AP1AR: variants seen among roughly 807,000 people sequenced by gnomAD.
AP1AR encodes adaptor related protein complex 1 associated regulatory protein.
Under a neutral mutation model 46.3 loss-of-function variants are expected in AP1AR, and 29 were observed. The ratio of observed to expected loss-of-function variants is 0.63; its 90% confidence interval spans 0.47 to 0.85. The LOEUF (loss-of-function observed/expected upper bound fraction) is 0.85, where lower values mean the gene tolerates loss of function less well. Ranked by LOEUF, AP1AR falls within the 40% of genes least tolerant of loss-of-function variation. The pLI, the probability that AP1AR is intolerant of heterozygous loss-of-function variation, is 0.00. For synonymous variants in AP1AR, 122 were observed against 122.9 expected, an observed-to-expected ratio of 0.99 and a Z score of 0.05; for missense variants, 357 against 356.3, an observed-to-expected ratio of 1.00 and a Z score of -0.02.
intron 1 of AP1AR, among the ~76,000 whole-genome samples, chr4:112,250,283 T>C (rs1392577143): frequency 2.0e-5 from 3 of 152,242 alleles, no homozygotes; most frequent in Non-Finnish European, 4.4e-5. Flanking sequence ...CCAAATTTGC[T>C]AGGCTTTTAA....
At position 112,232,076 on chromosome 4, in the gene AP1AR, G is replaced by A; in HGVS notation, c.-16G>A. ...CGGGAGGAGGAGGAGGAGCGGCGGC[G>A]CCTGGGCGGCATGCGATGGGGAACT... On this transcript the variant is annotated 5_prime_UTR_variant, in exon 1 of 10. Transcript: ENST00000274000. 7.4e-7 allele frequency: 1 copy of A among 1,350,944 alleles called. No individual in the cohort carries two copies. The highest frequency in any genetic ancestry group is 9.6e-7 in the Non-Finnish European group (1 of 1,043,214). 83.7% of individuals were successfully genotyped at this position (1,350,944 alleles called of 1,614,324 possible).
At chr4:112,232,576 G>T (rs1725062586) in intron 1 of AP1AR, among the ~76,000 whole-genome samples, 1 of 152,214 alleles carries the variant, frequency 6.6e-6, no homozygotes, top group South Asian at 2.1e-4. Context: ...CCTCTCTTTA[G>T]CCCTGGCAGA....
intron 5 of AP1AR, among the ~76,000 whole-genome samples, chr4:112,261,285 A>G (rs1231698811): frequency 6.6e-6 from 1 of 152,072 alleles, no homozygotes; most frequent in Non-Finnish European, 1.5e-5. Flanking sequence ...ATACAAAATT[A>G]GCTTGGTATG....
intron 1 of AP1AR, among the ~76,000 whole-genome samples, chr4:112,242,932 C>G (rs991138041): frequency 6.6e-6 from 1 of 152,196 alleles, no homozygotes; most frequent in African/African-American, 2.4e-5. Flanking sequence ...TGGAGGAACT[C>G]TAGACTGTTA....
intron 1 of AP1AR, among the ~76,000 whole-genome samples, chr4:112,234,528 T>C (rs1725158053): frequency 6.6e-6 from 1 of 152,212 alleles, no homozygotes; most frequent in African/African-American, 2.4e-5. Context: ...ATTTGACGGT[T>C]CCCTTACTTG....
chr4:112,261,484 A>G (rs962830920), intron 5 of AP1AR, among the ~76,000 whole-genome samples: 1 of 152,120 alleles, frequency 6.6e-6, no homozygotes, highest in African/African-American at 2.4e-5. Context: ...CTGTTTCACA[A>G]TAAGTGGTTT....
intron 6 of AP1AR, among the ~76,000 whole-genome samples, chr4:112,264,085 C>CCTCT (rs144358931): frequency 6.6e-6 from 1 of 151,516 alleles, no homozygotes; most frequent in East Asian, 1.9e-4. Flanking sequence ...CATTTTTTTC[C>CCTCT]CTCTCTCTCT....
intron 1 of AP1AR, among the ~76,000 whole-genome samples, chr4:112,242,939 G>A (rs915659976): frequency 6.6e-6 from 1 of 152,190 alleles, no homozygotes; most frequent in Non-Finnish European, 1.5e-5. Context: ...ACTCTAGACT[G>A]TTAAGAGGAA....
intron 2 of AP1AR, among the ~76,000 whole-genome samples, chr4:112,254,294 A>G (rs1726088420): frequency 6.6e-6 from 1 of 152,232 alleles, no homozygotes; most frequent in African/African-American, 2.4e-5. Context: ...GTAAATAACT[A>G]TATGAATGAA....
chr4:112,265,913 A>G (rs1172540476), intron 8 of AP1AR, 106 bp downstream of exon 8: 2 of 670,178 alleles, frequency 3.0e-6, no homozygotes, highest in Non-Finnish European at 4.9e-6. Flanking sequence ...TAAATTTGTA[A>G]TTCCCAGATA....
chr4:112,234,705 G>C (rs1456527431), intron 1 of AP1AR, among the ~76,000 whole-genome samples: 1 of 150,976 alleles, frequency 6.6e-6, no homozygotes, highest in Non-Finnish European at 1.5e-5. Context: ...TCAAGTATAG[G>C]TCTGGATAGT....
intron 1 of AP1AR, among the ~76,000 whole-genome samples, chr4:112,238,817 A>C (rs1027694820): frequency 2.6e-5 from 4 of 152,152 alleles, no homozygotes; most frequent in Non-Finnish European, 5.9e-5. Flanking sequence ...AGTTCCACTT[A>C]TCTGTCAAAC....
intron 4 of AP1AR, among the ~76,000 whole-genome samples, chr4:112,259,166 G>A (rs1726334262): frequency 6.6e-6 from 1 of 152,146 alleles, no homozygotes; most frequent in Non-Finnish European, 1.5e-5. Flanking sequence ...AGTAAGATAA[G>A]GACTTAAAAT....
Position 112,260,829 on chromosome 4 carries a change from AC to A in AP1AR, c.250del (p.Gln84LysfsTer12). On this transcript the variant is annotated frameshift_variant, in exon 5 of 10. Transcript: ENST00000274000. LOFTEE classifies it high-confidence loss of function. ...ERHYDSIAEK[Q>X]KDLDKKIQKE... ...GGCATTATGATTCCATTGCCGAAAA[AC>A]AAAAAGATCTTGATAAGAAAATTCA... The A allele has an allele frequency of 6.2e-7, 1 of 1,605,824 alleles. No homozygotes were observed. Among genetic ancestry groups the A allele is most frequent in the Non-Finnish European group, 8.5e-7 (1 of 1,176,042 alleles).
chr4:112,241,620 G>A lies in AP1AR; in HGVS notation c.83+9446G>A, dbSNP rs115792216. Among the ~76,000 whole-genome samples, 418 of 152,338 alleles carry A rather than the reference G, an allele frequency of 2.7e-3. 1 individual carries two copies. Among genetic ancestry groups the A allele is most frequent in the African/African-American group, 9.7e-3 (403 of 41,580 alleles). Reference sequence around the variant, plus strand: ...AGTCCACCAATTCAAATGCGAGTCTGTTCTCTAACACCCTTGCAGATGCAC... The same window carrying A: ...AGTCCACCAATTCAAATGCGAGTCTATTCTCTAACACCCTTGCAGATGCAC... On this transcript the variant is annotated intron_variant, in intron 1 of 9. Coordinates refer to ENST00000274000, the MANE Select transcript of AP1AR (RefSeq NM_018569.6).
At chr4:112,238,764 G>A (rs1165292703) in intron 1 of AP1AR, among the ~76,000 whole-genome samples, 1 of 152,140 alleles carries the variant, frequency 6.6e-6, no homozygotes, top group Non-Finnish European at 1.5e-5. Flanking sequence ...AATAAGTTCA[G>A]TCATCTCAGT....
At chr4:112,258,671 A>G (rs1726308361) in intron 4 of AP1AR, among the ~76,000 whole-genome samples, 1 of 152,198 alleles carries the variant, frequency 6.6e-6, no homozygotes, top group South Asian at 2.1e-4. Flanking sequence ...GCAAAGTGAG[A>G]GAATTGATTG....
chr4:112,268,325 C>T lies in AP1AR; in HGVS notation c.825C>T (p.Ser275=), dbSNP rs769539665. The change falls in exon 10 of 10, where the codon TCC becomes TCT. Residue 275 remains serine (S), a synonymous_variant. Coordinates refer to ENST00000274000, the MANE Select transcript of AP1AR (RefSeq NM_018569.6). ...VSAEMDDNGN[S]EYSGFVNPVL... Reference sequence around the variant, plus strand: ...CCGAAATGGATGATAATGGAAATTCCGAGTATTCTGGATTTGTAAATCCTG... The same window carrying T: ...CCGAAATGGATGATAATGGAAATTCTGAGTATTCTGGATTTGTAAATCCTG... 29 of 1,612,918 alleles carry T rather than the reference C, an allele frequency of 1.8e-5. 1 individual carries two copies. Among genetic ancestry groups the T allele is most frequent in the African/African-American group, 1.3e-4 (10 of 74,818 alleles).
intron 8 of AP1AR, 151 bp downstream of exon 8, chr4:112,265,958 C>T (rs534529406): frequency 6.2e-5 from 34 of 552,450 alleles, no homozygotes; most frequent in Admixed American, 2.8e-4. Flanking sequence ...ATTATACAAC[C>T]TCATCTTTTC....
Sources: allele counts gnomAD v4.1 joint callset (sites outside exome capture counted in the v4.1 genomes callset), GRCh38; gene constraint gnomAD v4.1.1; transcripts MANE v1.5; gene names NCBI Gene and HGNC (gene_info 2026-07-23, HGNC 2026-07-21).